Variants in BICC1 observed in about 807,000 individuals in gnomAD.
BICC1 encodes BicC family RNA binding protein 1, also known as protein bicaudal C homolog 1.
BICC1 carries 43 observed loss-of-function variants against 111.0 expected under a neutral mutation model. That is an observed-to-expected ratio of 0.39 (90% CI 0.30 to 0.50). The LOEUF (loss-of-function observed/expected upper bound fraction) is 0.50. BICC1 is among the 20% of genes least tolerant of loss of function. BICC1 has a pLI of 0.88. For synonymous variants in BICC1, 467 were observed against 434.4 expected (o/e 1.07, Z -0.93); for missense variants, 1,091 against 1,203.2 (o/e 0.91, Z 1.38).
chr10:58,698,965 GC>G (rs1053540809), intron 2 of BICC1, among the ~76,000 whole-genome samples: 2 of 152,188 alleles, frequency 1.3e-5, no homozygotes, highest in Non-Finnish European at 2.9e-5. Flanking sequence ...GTCTGCAAAG[GC>G]ATCTGGCCAG....
intron 1 of BICC1, among the ~76,000 whole-genome samples, chr10:58,550,516 G>A (rs545570264): frequency 2.0e-5 from 3 of 152,140 alleles, no homozygotes; most frequent in African/African-American, 7.2e-5. Flanking sequence ...CTAAACCCAA[G>A]GTCATGTAGA....
chr10:58,738,029 T>C (rs951303846), intron 3 of BICC1, among the ~76,000 whole-genome samples: 2 of 152,196 alleles, frequency 1.3e-5, no homozygotes, highest in Non-Finnish European at 2.9e-5. Context: ...GTTCTCCCAT[T>C]CTGTAGGTTG....
At chr10:58,527,263 G>A (rs1842569122) in intron 1 of BICC1, among the ~76,000 whole-genome samples, 2 of 152,166 alleles carry the variant, frequency 1.3e-5, no homozygotes, top group South Asian at 4.1e-4. Flanking sequence ...CCCACTTTTT[G>A]ATGGGGTTGA....
chr10:58,687,396 C>G (rs1839769525), intron 2 of BICC1, among the ~76,000 whole-genome samples: 1 of 152,252 alleles, frequency 6.6e-6, no homozygotes, highest in Non-Finnish European at 1.5e-5. Context: ...GTCTTCAAAG[C>G]TGTCAGACAG....
At chr10:58,540,266 T>TA (rs1414501038) in intron 1 of BICC1, among the ~76,000 whole-genome samples, 1 of 150,276 alleles carries the variant, frequency 6.7e-6, no homozygotes, top group Non-Finnish European at 1.5e-5. Flanking sequence ...GAATAAAAAT[T>TA]AGAGTCCAAA....
At chr10:58,804,045 G>A (rs748598281) in intron 15 of BICC1, among the ~76,000 whole-genome samples, 5 of 152,314 alleles carry the variant, frequency 3.3e-5, no homozygotes, top group African/African-American at 7.2e-5. Context: ...TGTCATAGAT[G>A]TGTCAAAGAA....
At chr10:58,643,334 C>T (rs1838178300) in intron 2 of BICC1, among the ~76,000 whole-genome samples, 1 of 152,212 alleles carries the variant, frequency 6.6e-6, no homozygotes, top group Non-Finnish European at 1.5e-5. Flanking sequence ...GTTCTGATTA[C>T]AGAGCTCTTT....
intron 2 of BICC1, among the ~76,000 whole-genome samples, chr10:58,665,968 C>A (rs1398854557): frequency 1.3e-5 from 2 of 152,148 alleles, no homozygotes; most frequent in Non-Finnish European, 2.9e-5. Context: ...TACCCTCTTG[C>A]TAGACGTACA....
intron 3 of BICC1, among the ~76,000 whole-genome samples, chr10:58,719,406 T>A (rs1272212447): frequency 2.6e-5 from 4 of 152,202 alleles, no homozygotes; most frequent in Non-Finnish European, 5.9e-5. Context: ...CCATCCCAGG[T>A]GGCATGTCTT....
chr10:58,642,921 C>T (rs1452732794), intron 2 of BICC1, among the ~76,000 whole-genome samples: 3 of 152,052 alleles, frequency 2.0e-5, no homozygotes, highest in Non-Finnish European at 2.9e-5. Context: ...CCAGGCCAGT[C>T]GCAAACTCCT....
chr10:58,692,899 T>A (rs991125702), intron 2 of BICC1, among the ~76,000 whole-genome samples: 2 of 151,978 alleles, frequency 1.3e-5, no homozygotes, highest in Non-Finnish European at 2.9e-5. Flanking sequence ...TTAGGGTACA[T>A]GTGCACAACG....
intron 1 of BICC1, among the ~76,000 whole-genome samples, chr10:58,550,318 C>T (rs776868785): frequency 3.9e-5 from 6 of 152,220 alleles, no homozygotes; most frequent in East Asian, 1.9e-4. Flanking sequence ...CTCCCTGCCC[C>T]GCTGTATATT....
At chr10:58,809,713 G>C (rs532464150) in intron 17 of BICC1, among the ~76,000 whole-genome samples, 1 of 152,248 alleles carries the variant, frequency 6.6e-6, no homozygotes, top group South Asian at 2.1e-4. Context: ...GAATATCTTA[G>C]GGTATTATGT....
chr10:58,751,406 T>C (rs936011429), intron 3 of BICC1, among the ~76,000 whole-genome samples: 4 of 152,190 alleles, frequency 2.6e-5, no homozygotes, highest in African/African-American at 9.6e-5. Context: ...AATAAATATT[T>C]GTAATAAAAT....
intron 1 of BICC1, among the ~76,000 whole-genome samples, chr10:58,523,074 C>T (rs1158484372): frequency 6.6e-6 from 1 of 152,030 alleles, no homozygotes; most frequent in East Asian, 1.9e-4. Flanking sequence ...AGCTTACCAA[C>T]CAAAAAAAGT....
chr10:58,556,070 G>C (rs536115236), intron 1 of BICC1, among the ~76,000 whole-genome samples: 2 of 151,994 alleles, frequency 1.3e-5, no homozygotes, highest in Non-Finnish European at 2.9e-5. Context: ...TCTAGTTTTC[G>C]AGTGTTGGGG....
chr10:58,643,004 C>CTGTCT (rs1189535341), intron 2 of BICC1, among the ~76,000 whole-genome samples: 8 of 152,130 alleles, frequency 5.3e-5, no homozygotes, highest in Non-Finnish European at 1.5e-5. Flanking sequence ...GCGTCTGGCC[C>CTGTCT]TGTCTTTATT....
chr10:58,579,486 C>T (rs1844207712), intron 1 of BICC1, among the ~76,000 whole-genome samples: 1 of 152,156 alleles, frequency 6.6e-6, no homozygotes, highest in South Asian at 2.1e-4. Flanking sequence ...CCACGTGTCA[C>T]CATGATCAGA....
intron 3 of BICC1, among the ~76,000 whole-genome samples, chr10:58,778,128 G>A (rs1035949121): frequency 1.3e-5 from 2 of 151,966 alleles, no homozygotes; most frequent in African/African-American, 4.8e-5. Context: ...TGGGAGGATC[G>A]CTTGAGTCTG....
Sources: gnomAD v4.1 joint callset for allele counts (sites outside exome capture counted in the v4.1 genomes callset) on GRCh38, gnomAD v4.1.1 for gene constraint, MANE v1.5 for transcripts, NCBI Gene and HGNC (gene_info 2026-07-23, HGNC 2026-07-21) for gene names.